CNTNAP5: variants seen among roughly 807,000 people sequenced by gnomAD.
CNTNAP5 encodes contactin-associated protein-like 5.
CNTNAP5 carries 72 observed loss-of-function variants against 150.2 expected under a neutral mutation model. The ratio of observed to expected loss-of-function variants is 0.48; its 90% CI spans 0.40 to 0.58. The LOEUF (loss-of-function observed/expected upper bound fraction) is 0.58. Among genes scored for constraint, CNTNAP5 ranks in the 20% least tolerant of loss-of-function variants. The pLI, the probability that CNTNAP5 is intolerant of heterozygous loss-of-function variation, is 0.00. For missense variants in CNTNAP5, 1,636 were observed against 1,626.2 expected (o/e 1.01, Z -0.10); for synonymous variants, 672 against 619.8 (o/e 1.08, Z -1.25).
At chr2:124,656,903 C>A (rs186611178) in intron 13 of CNTNAP5, among the ~76,000 whole-genome samples, 2 of 152,308 alleles carry the variant, frequency 1.3e-5, no homozygotes, top group East Asian at 3.9e-4. Flanking sequence ...ATTTTCTTCA[C>A]TGTTTTCTCT....
intron 10 of CNTNAP5, among the ~76,000 whole-genome samples, chr2:124,528,369 T>G (rs972499400): frequency 6.6e-6 from 1 of 152,148 alleles, no homozygotes; most frequent in African/African-American, 2.4e-5. Flanking sequence ...CGAAGAAGGT[T>G]TCAGAAGGTG....
chr2:124,331,172 AC>A, intron 3 of CNTNAP5, among the ~76,000 whole-genome samples: 1 of 152,112 alleles, frequency 6.6e-6, no homozygotes, highest in Non-Finnish European at 1.5e-5. Flanking sequence ...AAAGCTTCAG[AC>A]AAAACATCAG....
intron 1 of CNTNAP5, among the ~76,000 whole-genome samples, chr2:124,056,838 A>T (rs970918674): frequency 6.6e-6 from 1 of 152,034 alleles, no homozygotes; most frequent in Non-Finnish European, 1.5e-5. Context: ...CTTGGAATTC[A>T]CTTTTGCTTT....
chr2:124,312,985 G>A (rs949600864), intron 3 of CNTNAP5, among the ~76,000 whole-genome samples: 2 of 152,370 alleles, frequency 1.3e-5, no homozygotes, highest in East Asian at 1.9e-4. Flanking sequence ...GATTACAGGC[G>A]TGAGCCACCA....
chr2:124,808,956 TC>T (rs1363553022), intron 19 of CNTNAP5, among the ~76,000 whole-genome samples: 3 of 151,862 alleles, frequency 2.0e-5, no homozygotes, highest in Non-Finnish European at 4.4e-5. Flanking sequence ...GTGGCCCTGT[TC>T]CCAGAGCTCT....
intron 13 of CNTNAP5, among the ~76,000 whole-genome samples, chr2:124,735,041 G>T (rs766475113): frequency 3.9e-5 from 6 of 152,142 alleles, no homozygotes; most frequent in Non-Finnish European, 7.3e-5. Flanking sequence ...TGGGTAAAAT[G>T]CATTAATGTA....
intron 13 of CNTNAP5, among the ~76,000 whole-genome samples, chr2:124,701,461 AT>A (rs1679519680): frequency 6.6e-6 from 1 of 152,112 alleles, no homozygotes; most frequent in South Asian, 2.1e-4. Context: ...TATATTGGGT[AT>A]TGTGAATAAT....
chr2:124,908,818 C>T (rs1052947691), intron 22 of CNTNAP5, among the ~76,000 whole-genome samples: 1 of 151,952 alleles, frequency 6.6e-6, no homozygotes, highest in East Asian at 1.9e-4. Context: ...ATGTTTGTGT[C>T]TTAGTTTTCA....
chr2:124,250,249 A>G (rs1278081161), intron 3 of CNTNAP5, among the ~76,000 whole-genome samples: 1 of 152,170 alleles, frequency 6.6e-6, no homozygotes, highest in Non-Finnish European at 1.5e-5. Flanking sequence ...CAGTAGACCT[A>G]GGGTGGGACT....
At chr2:124,258,325 A>G (rs888223004) in intron 3 of CNTNAP5, among the ~76,000 whole-genome samples, 2 of 152,186 alleles carry the variant, frequency 1.3e-5, no homozygotes, top group Non-Finnish European at 2.9e-5. Context: ...ACATGACCAA[A>G]GATGATCTGA....
At chr2:124,312,145 G>T (rs985748844) in intron 3 of CNTNAP5, among the ~76,000 whole-genome samples, 8 of 152,194 alleles carry the variant, frequency 5.3e-5, no homozygotes, top group Non-Finnish European at 4.4e-5. Context: ...CATTTCATAT[G>T]GGGGCTCCTT....
intron 21 of CNTNAP5, among the ~76,000 whole-genome samples, chr2:124,879,583 A>G (rs1378220929): frequency 6.6e-6 from 1 of 152,174 alleles, no homozygotes; most frequent in Admixed American, 6.6e-5. Flanking sequence ...CATGACTAAC[A>G]TCACCTCTCT....
At chr2:124,835,974 T>C (rs1573649797) in intron 19 of CNTNAP5, among the ~76,000 whole-genome samples, 2 of 152,084 alleles carry the variant, frequency 1.3e-5, no homozygotes, top group East Asian at 1.9e-4. Context: ...GTCTTTTAGT[T>C]AGATTATTCA....
At chr2:124,856,128 A>G (rs1292929985) in intron 19 of CNTNAP5, among the ~76,000 whole-genome samples, 3 of 151,678 alleles carry the variant, frequency 2.0e-5, no homozygotes, top group African/African-American at 7.3e-5. Context: ...AAAAATAAAG[A>G]AATTGTGTGT....
intron 3 of CNTNAP5, among the ~76,000 whole-genome samples, chr2:124,356,553 C>T (rs939805819): frequency 3.4e-5 from 5 of 148,924 alleles, no homozygotes; most frequent in African/African-American, 5.0e-5. Flanking sequence ...TGAGAATATG[C>T]GGTGTTTGGT....
intron 11 of CNTNAP5, among the ~76,000 whole-genome samples, chr2:124,605,685 G>A (rs188317129): frequency 3.0e-4 from 46 of 151,456 alleles, no homozygotes; most frequent in South Asian, 1.9e-3. Flanking sequence ...ATGCGGTGGT[G>A]TGTGCCTGTA....
At chr2:124,204,257 C>A (rs1685806522) in intron 1 of CNTNAP5, among the ~76,000 whole-genome samples, 1 of 152,158 alleles carries the variant, frequency 6.6e-6, no homozygotes, top group Non-Finnish European at 1.5e-5. Context: ...CAAGATTCAC[C>A]TTTTCTCCAG....
chr2:124,592,336 C>G (rs1696704572), intron 11 of CNTNAP5, among the ~76,000 whole-genome samples: 1 of 150,632 alleles, frequency 6.6e-6, no homozygotes, highest in African/African-American at 2.4e-5. Context: ...TGCATTCCCT[C>G]TCAGCCACAT....
intron 3 of CNTNAP5, among the ~76,000 whole-genome samples, chr2:124,270,562 A>T (rs899305454): frequency 1.1e-4 from 17 of 152,300 alleles, no homozygotes; most frequent in Admixed American, 7.2e-4. Context: ...CGTCTGTTTG[A>T]CAAGCAGAAT....
Sources: allele counts gnomAD v4.1 joint callset (sites outside exome capture counted in the v4.1 genomes callset), GRCh38; gene constraint gnomAD v4.1.1; transcripts MANE v1.5; gene names NCBI Gene and HGNC (gene_info 2026-07-23, HGNC 2026-07-21).